Variants in ATF7 observed in about 807,000 individuals in gnomAD.
The protein encoded by ATF7 is cyclic AMP-dependent transcription factor ATF-7.
A neutral mutation model predicts 50.4 loss-of-function variants in ATF7; 10 were observed. That is an observed-to-expected ratio of 0.20 (90% CI 0.12 to 0.34). ATF7 has a LOEUF of 0.34. Among genes scored for constraint, ATF7 ranks in the 10% least tolerant of loss-of-function variants. ATF7 has a pLI of 1.00. For synonymous variants in ATF7, 201 were observed against 226.4 expected, an observed-to-expected ratio of 0.89 and a Z score of 1.01; for missense variants, 465 against 613.9, an observed-to-expected ratio of 0.76 and a Z score of 2.56.
chr12:53,550,667 G>A (rs1247623114), intron 3 of ATF7, among the ~76,000 whole-genome samples: 1 of 152,152 alleles, frequency 6.6e-6, no homozygotes, highest in Non-Finnish European at 1.5e-5. Context: ...AGACAAGGAG[G>A]TTAAGTTCAG....
At chr12:53,560,617 G>A (rs1332769537) in intron 2 of ATF7, among the ~76,000 whole-genome samples, 2 of 152,068 alleles carry the variant, frequency 1.3e-5, no homozygotes, top group Non-Finnish European at 2.9e-5. Context: ...CACAGCACCC[G>A]TTTTCATGAG....
At chr12:53,529,259 G>C (rs892886833) in intron 9 of ATF7, among the ~76,000 whole-genome samples, 1 of 152,168 alleles carries the variant, frequency 6.6e-6, no homozygotes, top group Non-Finnish European at 1.5e-5. Flanking sequence ...GAGTGCAATG[G>C]TGCGATCTCG....
intron 4 of ATF7, among the ~76,000 whole-genome samples, chr12:53,540,226 CT>C (rs1455705187): frequency 1.3e-5 from 2 of 151,754 alleles, no homozygotes; most frequent in East Asian, 3.9e-4. Context: ...TGGCATGGAC[CT>C]GTAGTCCCAG....
At chr12:53,534,682 T>A (rs751919041) in intron 5 of ATF7, 23 bp from the exon 6 acceptor site, 1 of 1,605,922 alleles carries the variant, frequency 6.2e-7, no homozygotes, top group Non-Finnish European at 8.5e-7. Context: ...AACCAACAGA[T>A]CACAAAATGT....
rs550956676 is a variant in ATF7 at position 53,531,759 on chromosome 12, G to A, written c.912C>T (p.Ser304=). 6.2e-6 allele frequency: 10 copies of A among 1,611,674 alleles called. No homozygotes were observed. The highest frequency in any genetic ancestry group is 8.5e-6 in the Non-Finnish European group (10 of 1,179,196). Residue 304 remains serine, a synonymous_variant, in exon 9 of 12, where the codon TCC becomes TCT. Transcript: ENST00000420353. ...QILIQHPDAP[S]PAQPQVSPAQ... ...AGCCACTGACCTGTGGCTGGGCAGG[G>A]GATGGGGCATCAGGGTGCTGGATGA...
chr12:53,583,884 C>T (rs183931963), intron 2 of ATF7, among the ~76,000 whole-genome samples: 26 of 152,292 alleles, frequency 1.7e-4, no homozygotes, highest in African/African-American at 4.6e-4. Context: ...AAATGGGCAA[C>T]GGACTTTAGT....
chr12:53,553,358 T>C (rs967078326), intron 2 of ATF7, among the ~76,000 whole-genome samples: 3 of 152,008 alleles, frequency 2.0e-5, no homozygotes, highest in Non-Finnish European at 4.4e-5. Flanking sequence ...AATGGTAGAA[T>C]AAAAATGCCA....
At position 53,523,320 on chromosome 12, in the gene ATF7, T is replaced by C; in HGVS notation, c.1190A>G (p.Asp397Gly). ...QLKQLLLAHKDCPVTALQKKT... is the reference protein window; with the variant it reads ...QLKQLLLAHKGCPVTALQKKT... ...TTTCTGTAGTGCAGTGACTGGGCAG[T>C]CTTTATGAGCTAACAGTAGCTGTTT... The change falls in exon 11 of 12, where the codon GAC (aspartate) becomes GGC (glycine). Residue 397 changes from aspartate to glycine, a missense_variant. By Grantham distance (94) the Asp-to-Gly change is moderately conservative (BLOSUM62 -1). Transcript: ENST00000420353. The C allele has an allele frequency of 6.2e-7, 1 of 1,614,046 alleles. No individual in the cohort carries two copies. The highest frequency in any genetic ancestry group is 8.5e-7 in the Non-Finnish European group (1 of 1,179,928).
At chr12:53,526,826 G>C (rs2137350655) in intron 9 of ATF7, among the ~76,000 whole-genome samples, 1 of 152,152 alleles carries the variant, frequency 6.6e-6, no homozygotes, top group Non-Finnish European at 1.5e-5. Context: ...ACTCCAGCCT[G>C]GGCGACAGAG....
chr12:53,622,646 G>A (rs1048620874), intron 1 of ATF7, among the ~76,000 whole-genome samples: 1 of 135,084 alleles, frequency 7.4e-6, no homozygotes, highest in African/African-American at 2.9e-5. Flanking sequence ...GTGCGAAATT[G>A]CGTCTCAAAA....
intron 4 of ATF7, 143 bp downstream of exon 4, chr12:53,543,187 G>A: frequency 6.5e-7 from 1 of 1,539,040 alleles, no homozygotes. Context: ...TGGGATTAGT[G>A]ACTACTATCT....
At chr12:53,580,055 TGAG>T (rs1341376310) in intron 2 of ATF7, among the ~76,000 whole-genome samples, 8 of 151,904 alleles carry the variant, frequency 5.3e-5, no homozygotes, top group Non-Finnish European at 1.0e-4. Context: ...CTCAGCCTCT[TGAG>T]TAGTTGAGAC....
At position 53,546,401 on chromosome 12, in the gene ATF7, G is replaced by T. The variant is rs190142420; in HGVS notation, c.146-2953C>A. Among the ~76,000 whole-genome samples, 235 of 94,986 alleles carry T rather than the reference G, an allele frequency of 2.5e-3. 1 individual carries two copies. The highest frequency in any genetic ancestry group is 7.8e-3 in the African/African-American group (196 of 25,202). The allele number at this position is 94,986 out of a possible 152,430, so 62.3% of individuals were successfully genotyped here. On this transcript the variant is annotated intron_variant, in intron 3 of 11. Coordinates refer to ENST00000420353, the MANE Select transcript of ATF7 (RefSeq NM_006856.3). ...AAAAAACAAAAAACAGGAGAAAAAA[G>T]AAAATATGGCTTTTGGCTGTTGAAA...
At chr12:53,532,785 C>G (rs779031464) in intron 7 of ATF7, among the ~76,000 whole-genome samples, 162 bp from the exon 8 acceptor site, 1 of 152,200 alleles carries the variant, frequency 6.6e-6, no homozygotes, top group Non-Finnish European at 1.5e-5. Context: ...AAATACCTTT[C>G]TCCATGGAGC....
At chr12:53,607,111 A>T (rs909205764) in intron 1 of ATF7, among the ~76,000 whole-genome samples, 1 of 152,156 alleles carries the variant, frequency 6.6e-6, no homozygotes, top group Admixed American at 6.5e-5. Flanking sequence ...TGGTATTTCT[A>T]GTTCTAGATC....
chr12:53,551,099 GAATT>G (rs1331887183), intron 3 of ATF7, among the ~76,000 whole-genome samples: 2 of 152,166 alleles, frequency 1.3e-5, no homozygotes, highest in Non-Finnish European at 2.9e-5. Flanking sequence ...TATATGCCCT[GAATT>G]AATTATGTCT....
chr12:53,520,397 C>G (rs1047065281), intron 11 of ATF7, among the ~76,000 whole-genome samples: 1 of 151,926 alleles, frequency 6.6e-6, no homozygotes, highest in Non-Finnish European at 1.5e-5. Flanking sequence ...GCCAATATGG[C>G]AAAACATCAT....
chr12:53,532,228 C>T (rs556931978), intron 8 of ATF7, among the ~76,000 whole-genome samples: 6 of 152,276 alleles, frequency 3.9e-5, no homozygotes, highest in South Asian at 2.1e-4. Flanking sequence ...CCTGCCCACT[C>T]GCCCACCCTC....
chr12:53,545,670 A>G (rs1338159453), intron 3 of ATF7, among the ~76,000 whole-genome samples: 1 of 152,030 alleles, frequency 6.6e-6, no homozygotes, highest in South Asian at 2.1e-4. Flanking sequence ...AATACTTTCT[A>G]TATGTTTTGG....
Sources: allele counts gnomAD v4.1 joint callset (sites outside exome capture counted in the v4.1 genomes callset), GRCh38; gene constraint gnomAD v4.1.1; transcripts MANE v1.5; gene names NCBI Gene and HGNC (gene_info 2026-07-23, HGNC 2026-07-21).